Variants in SATB2 observed in about 807,000 individuals in gnomAD.
The protein encoded by SATB2 is DNA-binding protein SATB2.
A neutral mutation model predicts 73.4 loss-of-function variants in SATB2; 1 was observed. The ratio of observed to expected loss-of-function variants is 0.01; its 90% confidence interval spans 0.00 to 0.06. The LOEUF is 0.06. Ranked by LOEUF, SATB2 falls within the 10% of genes least tolerant of loss-of-function variation. The probability of loss-of-function intolerance (pLI) is 1.00; values close to 1 mark genes in which losing one functional copy is unlikely to be tolerated. For synonymous variants in SATB2, 397 were observed against 367.0 expected (o/e 1.08, Z -0.93); for missense variants, 459 against 945.8 (o/e 0.49, Z 6.75).
chr2:199,429,395 A>T (rs537173876), intron 3 of SATB2, among the ~76,000 whole-genome samples: 2 of 152,328 alleles, frequency 1.3e-5, no homozygotes, highest in South Asian at 4.1e-4. Flanking sequence ...TATATCACTG[A>T]GAATGTACTT....
In SATB2 at chr2:199,457,383, T is replaced by C. The variant is rs889377157; in HGVS notation, c.-104A>G. ...ACTTGGCTGACTGGGGCTCTGTCCA[T>C]GGAGCAAAAGTAGAGAATCCAGGGT... On this transcript the variant is annotated 5_prime_UTR_variant, in exon 1 of 11. An upstream start codon of the reference 5' UTR is lost. Transcript: ENST00000417098. The surrounding 1 kb of genome is among the most constrained non-coding windows in gnomAD (Gnocchi z 4.8). 6.6e-6 allele frequency: 1 copy of C among 152,466 alleles called. No homozygotes were observed. Among genetic ancestry groups the C allele is most frequent in the Non-Finnish European group, 1.5e-5 (1 of 68,258 alleles). The allele number at this position is 152,466 out of a possible 1,614,324, so 9.4% of individuals were successfully genotyped here.
intron 9 of SATB2, among the ~76,000 whole-genome samples, chr2:199,320,017 G>A (rs935535758): frequency 6.6e-5 from 10 of 152,034 alleles, no homozygotes; most frequent in East Asian, 1.9e-4. Context: ...CCCAGATCAC[G>A]GGTGATTGGG....
chr2:199,408,638 A>G (rs1690708670), intron 3 of SATB2, among the ~76,000 whole-genome samples: 1 of 151,222 alleles, frequency 6.6e-6, no homozygotes. Context: ...GAGAGAAAAG[A>G]GACCAAATGT....
At chr2:199,340,836 C>G (rs1443205553) in intron 7 of SATB2, among the ~76,000 whole-genome samples, 2 of 152,130 alleles carry the variant, frequency 1.3e-5, no homozygotes, top group African/African-American at 4.8e-5. Context: ...TAGTTTGGAT[C>G]AAAGCTTCCT....
chr2:199,348,417 G>A (rs1688717165), intron 7 of SATB2: 1 of 393,002 alleles, frequency 2.5e-6, no homozygotes, highest in African/African-American at 2.1e-5. Flanking sequence ...TAAATGGAGA[G>A]GATGAGAGAG....
At chr2:199,343,636 T>C (rs1310004534) in intron 7 of SATB2, among the ~76,000 whole-genome samples, 2 of 152,240 alleles carry the variant, frequency 1.3e-5, no homozygotes, top group East Asian at 1.9e-4. Context: ...CAGTACCATC[T>C]ACCTTGATTA....
chr2:199,325,072 G>A (rs1339438244), intron 8 of SATB2, among the ~76,000 whole-genome samples: 4 of 152,140 alleles, frequency 2.6e-5, no homozygotes, highest in Non-Finnish European at 2.9e-5. Flanking sequence ...TCTAGCGGCA[G>A]AACTTAAGGC....
In SATB2 at chr2:199,272,595, C is replaced by A. The variant is rs141436870; in HGVS notation, c.1818G>T (p.Pro606=). ...GCTTTTTGGCACAACTGTCTTCAGT[C>A]GGAGGAGGTGGGGGAGGCGCTTCTT... ...PREEAPPPPP[P]TEDSCAKKPR... is the part of the protein sequence containing the mutation. The change falls in exon 11 of 11, where the codon CCG becomes CCT. Residue 606 remains proline (P), a synonymous_variant. Coordinates refer to ENST00000417098, the MANE Select transcript of SATB2 (RefSeq NM_001172509.2). The surrounding 1 kb of genome is among the most constrained non-coding windows in gnomAD (Gnocchi z 6.7). 3,342 of 1,613,998 alleles carry A rather than the reference C, an allele frequency of 2.1e-3. 8 individuals carry two copies. Among genetic ancestry groups the A allele is most frequent in the Non-Finnish European group, 2.4e-3 (2,792 of 1,179,994 alleles).
intron 3 of SATB2, among the ~76,000 whole-genome samples, chr2:199,415,217 C>A (rs1180605886): frequency 6.6e-6 from 1 of 152,152 alleles, no homozygotes; most frequent in African/African-American, 2.4e-5. Context: ...TGACTACAAG[C>A]CCAAAAGGAA....
At chr2:199,286,299 A>G (rs1692686215) in intron 10 of SATB2, among the ~76,000 whole-genome samples, 1 of 152,206 alleles carries the variant, frequency 6.6e-6, no homozygotes, top group South Asian at 2.1e-4. Flanking sequence ...TCCACTCTCC[A>G]GTTAGAACCT....
chr2:199,424,692 T>A (rs1295059813), intron 3 of SATB2, among the ~76,000 whole-genome samples: 6 of 152,148 alleles, frequency 3.9e-5, no homozygotes, highest in African/African-American at 9.7e-5. Context: ...TGATGAGAAA[T>A]CTTTTCCAAA....
intron 6 of SATB2, among the ~76,000 whole-genome samples, chr2:199,359,489 T>C (rs1689076335): frequency 6.6e-6 from 1 of 152,114 alleles, no homozygotes; most frequent in Admixed American, 6.5e-5. Context: ...CAAGCAAAGA[T>C]TTTTCTTTCT....
At chr2:199,397,951 G>T in intron 3 of SATB2, 1 of 218,084 alleles carries the variant, frequency 4.6e-6, no homozygotes, top group South Asian at 4.5e-5. Context: ...TGTTACAAGT[G>T]AAATGGTTCC....
intron 3 of SATB2, among the ~76,000 whole-genome samples, chr2:199,410,280 G>T (rs552605373): frequency 6.6e-6 from 1 of 152,290 alleles, no homozygotes; most frequent in Admixed American, 6.5e-5. Flanking sequence ...TAGACTCTGA[G>T]ATTAGTTTAA....
intron 3 of SATB2, among the ~76,000 whole-genome samples, chr2:199,393,417 C>T (rs888087656): frequency 1.3e-5 from 2 of 152,116 alleles, no homozygotes; most frequent in Admixed American, 6.5e-5. Flanking sequence ...AGCGCCCATA[C>T]TCTTGGTACC....
chr2:199,325,116 G>A (rs527970555), intron 8 of SATB2, among the ~76,000 whole-genome samples: 1 of 152,260 alleles, frequency 6.6e-6, no homozygotes, highest in East Asian at 1.9e-4. Context: ...CTTCCTAACA[G>A]TGCTCAGTAA....
chr2:199,298,430 C>T (rs922884740), intron 10 of SATB2, among the ~76,000 whole-genome samples: 2 of 152,082 alleles, frequency 1.3e-5, no homozygotes, highest in African/African-American at 2.4e-5. Flanking sequence ...ACAACTTATA[C>T]TACTTAAGTA....
intron 3 of SATB2, among the ~76,000 whole-genome samples, chr2:199,406,924 C>T (rs1311282531): frequency 3.9e-5 from 6 of 152,128 alleles, no homozygotes; most frequent in Non-Finnish European, 8.8e-5. Context: ...ATAAGAGTAA[C>T]ATTCATTGTG....
At chr2:199,344,394 T>G (rs976365609) in intron 7 of SATB2, among the ~76,000 whole-genome samples, 1 of 152,134 alleles carries the variant, frequency 6.6e-6, no homozygotes, top group African/African-American at 2.4e-5. Flanking sequence ...TCCAGACAAC[T>G]ATGGACACAC....
Sources: allele counts gnomAD v4.1 joint callset (sites outside exome capture counted in the v4.1 genomes callset), GRCh38; gene constraint gnomAD v4.1.1; non-coding constraint Gnocchi (gnomAD v3.1); transcripts MANE v1.5; gene names NCBI Gene and HGNC (gene_info 2026-07-23, HGNC 2026-07-21).